Variants in SCML1 observed in about 807,000 individuals in gnomAD.
The protein encoded by SCML1 is sex comb on midleg-like protein 1.
For synonymous variants in SCML1, 104 were observed against 103.6 expected (o/e 1.00, Z -0.02); for missense variants, 137 against 258.1 (o/e 0.53, Z 3.22).
At chrX:17,738,171 A>G (rs1404494620) in intron 1 of SCML1, among the ~76,000 whole-genome samples, 4 of 112,375 alleles carry the variant, frequency 3.6e-5, no homozygotes, top group Admixed American at 9.4e-5. Context: ...TACGTAAATG[A>G]GGAGGAAGAG....
At chrX:17,738,098 G>A (rs1016301630) in intron 1 of SCML1, 1 of 112,769 alleles carries the variant, frequency 8.9e-6, no homozygotes, top group African/African-American at 3.2e-5. Context: ...AGAGTCTGAG[G>A]CTTTGATGGT....
intron 1 of SCML1, among the ~76,000 whole-genome samples, chrX:17,741,890 A>T (rs1240517400): frequency 8.9e-6 from 1 of 111,830 alleles, no homozygotes; most frequent in Non-Finnish European, 1.9e-5. Context: ...CCTATCCCAC[A>T]GGGTTGTCAG....
Position 17,753,798 on chromosome X carries a change from G to A in SCML1, c.*406G>A. The stretch of plus-strand genomic sequence containing the variant: ...TTGAATCTATGGGAATTATTCCTCA[G>A]AAGAGAATTTAAAGGTGTACCCATA... On this transcript the variant is annotated 3_prime_UTR_variant, in exon 8 of 8. Transcript: ENST00000380041. The A allele has an allele frequency of 9.0e-6, 1 of 111,576 alleles. No homozygotes were observed. Among genetic ancestry groups the A allele is most frequent in the Middle Eastern group, 4.7e-3 (1 of 212 alleles). 9.2% of individuals were successfully genotyped at this position (111,576 alleles called of 1,213,427 possible). A position where few individuals can be genotyped will look rare whatever the true frequency, so the allele number is the denominator to read the frequency against.
chrX:17,753,154 T>G, intron 7 of SCML1, 104 bp from the exon 8 acceptor site: 9 of 579,964 alleles, frequency 1.6e-5, no homozygotes, highest in East Asian at 3.7e-5. Context: ...ACATCTGCAA[T>G]GAGCTGCTCT....
chrX:17,745,925 A>G (rs1320988179), intron 3 of SCML1, 93 bp from the exon 4 acceptor site: 7 of 465,902 alleles, frequency 1.5e-5, no homozygotes, highest in Non-Finnish European at 2.1e-5. Flanking sequence ...AATAAAAACA[A>G]TTTAAATAAA....
At chrX:17,746,161 T>A in intron 4 of SCML1, 63 bp downstream of exon 4, 1 of 639,685 alleles carries the variant, frequency 1.6e-6, no homozygotes, top group Non-Finnish European at 2.4e-6. Context: ...TCTCTTTATC[T>A]CACATAAAGG....
intron 6 of SCML1, 100 bp from the exon 7 acceptor site, chrX:17,751,715 C>A (rs1393229204): frequency 2.2e-6 from 2 of 919,012 alleles, no homozygotes; most frequent in Non-Finnish European, 3.0e-6. Context: ...AAGGTTCCAA[C>A]AAAGAGAGCA....
intron 4 of SCML1, among the ~76,000 whole-genome samples, chrX:17,747,598 C>T (rs759672975): frequency 3.3e-4 from 37 of 111,792 alleles, no homozygotes; most frequent in Non-Finnish European, 5.8e-4. Context: ...ATTCTCACTT[C>T]AGACCTCACC....
At chrX:17,738,649 T>C (rs981818651) in intron 1 of SCML1, among the ~76,000 whole-genome samples, 2 of 111,548 alleles carry the variant, frequency 1.8e-5, no homozygotes, top group Non-Finnish European at 3.8e-5. Flanking sequence ...TGGCGCCTCA[T>C]TGTGAGCTGT....
In SCML1 at chrX:17,754,638, G is replaced by T. The variant is rs1464210730; in HGVS notation, c.*1246G>T. On this transcript the variant is annotated 3_prime_UTR_variant, in exon 8 of 8. Coordinates refer to ENST00000380041, the MANE Select transcript of SCML1 (RefSeq NM_001037540.3). ...TATTTTGTTATAAATTTATAACTTT[G>T]TTATTACATTGTGTAACAAATATAA... The T allele has an allele frequency of 8.9e-6, 1 of 112,798 alleles. No homozygotes were observed. Among genetic ancestry groups the T allele is most frequent in the Admixed American group, 9.4e-5 (1 of 10,649 alleles). 9.3% of individuals were successfully genotyped at this position (112,798 alleles called of 1,213,427 possible). A position where few individuals can be genotyped will look rare whatever the true frequency, so the allele number is the denominator to read the frequency against.
intron 7 of SCML1, among the ~76,000 whole-genome samples, chrX:17,752,379 G>A (rs913097638): frequency 1.8e-5 from 2 of 111,905 alleles, no homozygotes; most frequent in East Asian, 5.6e-4. Flanking sequence ...CATTTGCCTC[G>A]ATTATTGATG....
At chrX:17,747,756 G>T (rs2066656151) in intron 4 of SCML1, among the ~76,000 whole-genome samples, 1 of 112,015 alleles carries the variant, frequency 8.9e-6, no homozygotes, top group Non-Finnish European at 1.9e-5. Flanking sequence ...CGGGTGTAGT[G>T]TAGTGCTGTT....
At chrX:17,742,820 T>C (rs992180084) in intron 1 of SCML1, among the ~76,000 whole-genome samples, 3 of 112,348 alleles carry the variant, frequency 2.7e-5, no homozygotes, top group Non-Finnish European at 5.6e-5. Flanking sequence ...GTCGTTACAG[T>C]AACTACAGTA....
At chrX:17,743,199 T>C (rs2066612972) in intron 1 of SCML1, among the ~76,000 whole-genome samples, 1 of 111,935 alleles carries the variant, frequency 8.9e-6, no homozygotes, top group South Asian at 3.7e-4. Flanking sequence ...CTCGAGTTAG[T>C]TCTCCCATCT....
At chrX:17,740,676 G>C (rs929040531) in intron 1 of SCML1, among the ~76,000 whole-genome samples, 11 of 112,214 alleles carry the variant, frequency 9.8e-5, no homozygotes, top group African/African-American at 3.6e-4. Flanking sequence ...AAGTATTAAA[G>C]TGTGAGTGTT....
At chrX:17,738,210 G>T (rs2066558178) in intron 1 of SCML1, among the ~76,000 whole-genome samples, 1 of 111,715 alleles carries the variant, frequency 9.0e-6, no homozygotes, top group Non-Finnish European at 1.9e-5. Flanking sequence ...GAGCAGAGGC[G>T]GGAGGCGGGA....
At chrX:17,750,465 C>T (rs1424782666) in intron 6 of SCML1, among the ~76,000 whole-genome samples, 172 bp downstream of exon 6, 1 of 112,466 alleles carries the variant, frequency 8.9e-6, no homozygotes, top group African/African-American at 3.2e-5. Context: ...TATCAACATC[C>T]TTGATGCAAA....
rs1487283594 is a variant in SCML1, at chrX:17,754,870, ATTGT to A, written c.*1483_*1486del. 3.5e-5 allele frequency: 4 copies of A among 112,991 alleles called. No individual in the cohort carries two copies. Among genetic ancestry groups the A allele is most frequent in the Non-Finnish European group, 7.5e-5 (4 of 53,333 alleles). 9.3% of individuals were successfully genotyped at this position (112,991 alleles called of 1,213,427 possible). A position where few individuals can be genotyped will look rare whatever the true frequency, so the allele number is the denominator to read the frequency against. On this transcript the variant is annotated 3_prime_UTR_variant, in exon 8 of 8. Transcript: ENST00000380041. ...TTACTTAAACTTGGTCTTCTTTCAA[ATTGT>A]TTGTATGAAGATGCTGTACCCACTT...
chrX:17,752,799 C>T (rs1301419860), intron 7 of SCML1, among the ~76,000 whole-genome samples: 2 of 111,413 alleles, frequency 1.8e-5, no homozygotes, highest in Non-Finnish European at 3.8e-5. Flanking sequence ...TAGTTTCAGA[C>T]AACTAATTGG....
Sources: allele counts gnomAD v4.1 joint callset (sites outside exome capture counted in the v4.1 genomes callset), GRCh38; gene constraint gnomAD v4.1.1; transcripts MANE v1.5; gene names NCBI Gene and HGNC (gene_info 2026-07-23, HGNC 2026-07-21).